Variants in ADD1 observed in about 807,000 individuals in gnomAD.
ADD1 encodes adducin 1, also known as alpha-adducin.
In ADD1, 24 loss-of-function variants were observed where a neutral mutation model predicts 80.5. The ratio of observed to expected loss-of-function variants is 0.30; its 90% CI spans 0.22 to 0.42. The LOEUF (loss-of-function observed/expected upper bound fraction) is 0.42. ADD1 is among the 10% of genes least tolerant of loss of function. ADD1 has a pLI of 1.00. For synonymous variants in ADD1, 373 were observed against 393.8 expected (o/e 0.95, Z 0.63); for missense variants, 948 against 1,019.0 (o/e 0.93, Z 0.95).
At chr4:2,903,601 G>C (rs1387423802) in intron 9 of ADD1, among the ~76,000 whole-genome samples, 2 of 152,210 alleles carry the variant, frequency 1.3e-5, no homozygotes, top group African/African-American at 4.8e-5. Flanking sequence ...GCCAGCAGTA[G>C]AGACAGAGAC....
intron 2 of ADD1, among the ~76,000 whole-genome samples, chr4:2,880,243 A>T (rs911574724): frequency 5.3e-5 from 8 of 152,080 alleles, no homozygotes; most frequent in Non-Finnish European, 1.2e-4. Context: ...CTTGACAGAC[A>T]TTCTATTCTA....
At chr4:2,919,073 T>C (rs1739567831) in intron 14 of ADD1, among the ~76,000 whole-genome samples, 1 of 152,042 alleles carries the variant, frequency 6.6e-6, no homozygotes. Context: ...TCTCCTGACC[T>C]TGTGATCCAC....
At chr4:2,907,543 A>C (rs1445133194) in intron 10 of ADD1, 200 bp from the exon 11 acceptor site, 1 of 503,394 alleles carries the variant, frequency 2.0e-6, no homozygotes, top group Non-Finnish European at 3.6e-6. Context: ...TTTGACTTCC[A>C]GCATTAACTG....
At chr4:2,902,158 C>A (rs1450521382) in intron 9 of ADD1, 1 of 152,122 alleles carries the variant, frequency 6.6e-6, no homozygotes, top group Non-Finnish European at 1.5e-5. Flanking sequence ...AAAGAAAAAT[C>A]CATATGGTTT....
chr4:2,926,003 C>T lies in ADD1; in HGVS notation c.1949-11C>T, dbSNP rs1170798494. 2.5e-6 allele frequency: 4 copies of T among 1,612,564 alleles called. No individual in the cohort carries two copies. The African/African-American group carries it at 4.0e-5, about 16-fold the overall frequency. ...CACAGCTCCTACCATATCCTTCTTG[C>T]TTCTCTGCAGAGAATCTGGACGAGG... On this transcript the variant is annotated splice_polypyrimidine_tract_variant and intron_variant, in intron 14 of 15. Transcript: ENST00000683351. The surrounding 1 kb of genome is among the most constrained non-coding windows in gnomAD (Gnocchi z 5.0).
intron 4 of ADD1, among the ~76,000 whole-genome samples, chr4:2,885,845 T>G (rs569243920): frequency 1.3e-5 from 2 of 151,844 alleles, no homozygotes; most frequent in South Asian, 2.1e-4. Context: ...CTCCTGACCT[T>G]GTGATCCGCC....
chr4:2,908,544 G>T lies in ADD1; in HGVS notation c.1638G>T (p.Lys546Asn). The T allele has an allele frequency of 5.6e-6, 9 of 1,614,236 alleles. No homozygotes were observed. The highest frequency in any genetic ancestry group is 7.6e-6 in the Non-Finnish European group (9 of 1,180,040). Residue 546 changes from lysine to asparagine, a missense_variant, in exon 12 of 16, where the codon AAG becomes AAT. By Grantham distance (94) the Lys-to-Asn change is moderately conservative. Coordinates refer to ENST00000683351, the MANE Select transcript of ADD1 (RefSeq NM_001354761.2). ...KIREQNLQDI[K>N]TAGPQSQVLC... Reference sequence around the variant, plus strand: ...GAGAGCAGAATTTACAGGACATTAAGACGGCTGGCCCTCAGTCCCAGGTTT... The same window carrying T: ...GAGAGCAGAATTTACAGGACATTAATACGGCTGGCCCTCAGTCCCAGGTTT...
intron 1 of ADD1, among the ~76,000 whole-genome samples, chr4:2,862,859 C>G (rs1023807725): frequency 7.9e-5 from 12 of 152,198 alleles, no homozygotes; most frequent in Admixed American, 7.9e-4. Context: ...AATGCCTGGT[C>G]TATAGCAGCC....
chr4:2,890,245 A>G (rs1314964711), intron 4 of ADD1, among the ~76,000 whole-genome samples: 1 of 152,206 alleles, frequency 6.6e-6, no homozygotes, highest in Non-Finnish European at 1.5e-5. Flanking sequence ...TCAGTAAGAA[A>G]AAGACAAACC....
Position 2,924,425 on chromosome 4 carries a change from C to G in ADD1, c.1949-1589C>G, listed in dbSNP as rs148774399. On this transcript the variant is annotated intron_variant, in intron 14 of 15. Coordinates refer to ENST00000683351, the MANE Select transcript of ADD1 (RefSeq NM_001354761.2). ...AAGAAGAACCAGGGGCACAGGGACC[C>G]CTGCCAGGAGGCTCCCGCCAGCATC... is the stretch of plus-strand genomic sequence containing the variant. Among the ~76,000 whole-genome samples the G allele has an allele frequency of 2.9e-3, 443 of 152,282 alleles. 1 individual carries two copies. The highest frequency in any genetic ancestry group is 0.01 in the African/African-American group (434 of 41,548).
chr4:2,882,822 G>A (rs1364727444), intron 3 of ADD1, among the ~76,000 whole-genome samples: 1 of 152,100 alleles, frequency 6.6e-6, no homozygotes, highest in Non-Finnish European at 1.5e-5. Flanking sequence ...AAATCACATG[G>A]CCACCACTAG....
chr4:2,888,536 C>T (rs1216750937), intron 4 of ADD1, among the ~76,000 whole-genome samples: 2 of 151,796 alleles, frequency 1.3e-5, no homozygotes, highest in African/African-American at 4.8e-5. Flanking sequence ...CTGCCTCAGC[C>T]TCCCAAGTAG....
At chr4:2,895,127 G>A (rs751826168) in intron 6 of ADD1, among the ~76,000 whole-genome samples, 12 of 152,024 alleles carry the variant, frequency 7.9e-5, no homozygotes, top group Non-Finnish European at 1.3e-4. Flanking sequence ...CCAGTGTGGT[G>A]CGTGCCTGTA....
intron 5 of ADD1, 63 bp from the exon 6 acceptor site, chr4:2,894,519 A>AG: frequency 2.0e-6 from 3 of 1,497,782 alleles, no homozygotes; most frequent in Non-Finnish European, 2.7e-6. Context: ...AAAAAAAAAA[A>AG]AAAAAAGAAA....
In ADD1 at chr4:2,909,280, C is replaced by T. The variant is rs145028973; in HGVS notation, c.1699-59C>T. 1,117 of 1,399,154 alleles carry T rather than the reference C, an allele frequency of 8.0e-4. 10 individuals carry two copies. The African/African-American group carries it at 0.013, about 17-fold the overall frequency. 86.7% of individuals were successfully genotyped at this position (1,399,154 alleles called of 1,614,324 possible). On this transcript the variant is annotated intron_variant, in intron 12 of 15. Coordinates refer to ENST00000683351, the MANE Select transcript of ADD1 (RefSeq NM_001354761.2). ...CTTAGCCAGCTCCATCCTGTGCTCT[C>T]AGCTGATATTTCACAGGCTGGGCCT... is the stretch of plus-strand genomic sequence containing the variant.
intron 14 of ADD1, among the ~76,000 whole-genome samples, chr4:2,915,512 G>T (rs1738849900): frequency 6.6e-6 from 1 of 152,188 alleles, no homozygotes; most frequent in South Asian, 2.1e-4. Flanking sequence ...GTGGTGGCAG[G>T]CACCTGTAGT....
chr4:2,870,646 G>A (rs1436244092), intron 1 of ADD1, among the ~76,000 whole-genome samples: 1 of 152,188 alleles, frequency 6.6e-6, no homozygotes, highest in African/African-American at 2.4e-5. Flanking sequence ...TAGGCTTCTG[G>A]AACCTAGTCT....
At chr4:2,884,146 T>A (rs1732852900) in intron 3 of ADD1, among the ~76,000 whole-genome samples, 1 of 152,256 alleles carries the variant, frequency 6.6e-6, no homozygotes, top group Non-Finnish European at 1.5e-5. Context: ...AATTTCCTTT[T>A]AAGCTTGCTT....
intron 1 of ADD1, among the ~76,000 whole-genome samples, chr4:2,863,218 A>C (rs889887868): frequency 1.1e-3 from 99 of 88,254 alleles, no homozygotes; most frequent in Admixed American, 2.4e-3. Context: ...GCTAATTTTT[A>C]ATTTTTTTTT....
Sources: allele counts gnomAD v4.1 joint callset (sites outside exome capture counted in the v4.1 genomes callset), GRCh38; gene constraint gnomAD v4.1.1; non-coding constraint Gnocchi (gnomAD v3.1); transcripts MANE v1.5; gene names NCBI Gene and HGNC (gene_info 2026-07-23, HGNC 2026-07-21).